Variants in MTTP observed in about 807,000 individuals in gnomAD.
The protein encoded by MTTP is microsomal triglyceride transfer protein large subunit.
Under a neutral mutation model 90.6 loss-of-function variants are expected in MTTP, and 49 were observed. The observed-to-expected ratio is 0.54, with a 90% CI of 0.43 to 0.69. The LOEUF (loss-of-function observed/expected upper bound fraction) is 0.69. Ranked by LOEUF, MTTP falls within the 30% of genes least tolerant of loss-of-function variation. The pLI, the probability that MTTP is intolerant of heterozygous loss-of-function variation, is 0.00. For missense variants in MTTP, 945 were observed against 1,067.5 expected (o/e 0.89, Z 1.60); for synonymous variants, 347 against 384.2 (o/e 0.90, Z 1.13).
chr4:99,589,502 G>A (rs1725360151), intron 3 of MTTP, 141 bp from the exon 4 acceptor site: 2 of 664,142 alleles, frequency 3.0e-6, no homozygotes, highest in South Asian at 3.2e-5. Context: ...TTCACAAAAA[G>A]GAAATTCCAG....
intron 12 of MTTP, among the ~76,000 whole-genome samples, chr4:99,610,699 CTGGAAATGTACTGTTA>C (rs1725928527): frequency 6.6e-6 from 1 of 152,106 alleles, no homozygotes; most frequent in Non-Finnish European, 1.5e-5. Flanking sequence ...AGAAGAAATA[CTGGAAATGTACTGTTA>C]TATGTCATTA....
intron 3 of MTTP, among the ~76,000 whole-genome samples, chr4:99,584,345 A>C (rs1560614985): frequency 6.6e-6 from 1 of 152,150 alleles, no homozygotes; most frequent in South Asian, 2.1e-4. Context: ...TTATAATTCC[A>C]TACGTCTCTG....
At position 99,591,323 on chromosome 4, in the gene MTTP, C is replaced by G. The variant is rs137997894; in HGVS notation, c.590C>G (p.Ala197Gly). The G allele has an allele frequency of 1.2e-6, 2 of 1,613,370 alleles. No homozygotes were observed. Among genetic ancestry groups the G allele is most frequent in the Non-Finnish European group, 1.7e-6 (2 of 1,179,514 alleles). The change falls in exon 5 of 18, where the codon GCG becomes GGG. Residue 197 changes from alanine (A) to glycine (G), a missense_variant. Transcript: ENST00000265517. Reference protein sequence around the residue: ...KIKALDSCKIARSGFTTPNQV... With the variant: ...KIKALDSCKIGRSGFTTPNQV... ...AAGGCCTTGGATTCATGCAAAATAG[C>G]GAGGTCTGGATTTACGACCCCAAAT...
intron 16 of MTTP, chr4:99,620,782 A>G (rs1235780355): frequency 9.4e-6 from 4 of 424,078 alleles, no homozygotes; most frequent in Non-Finnish European, 1.7e-5. Context: ...TTATGCCCAT[A>G]CAAAACAATG....
chr4:99,583,688 G>T, intron 3 of MTTP, 171 bp downstream of exon 3: 1 of 802,284 alleles, frequency 1.2e-6, no homozygotes, highest in Non-Finnish European at 2.1e-6. Flanking sequence ...CTGAATCAAT[G>T]CCCTGAGTTC....
rs1724922923 is a variant in MTTP at position 99,575,032 on chromosome 4, G to A, written c.61+62G>A. 18 of 1,529,356 alleles carry A rather than the reference G, an allele frequency of 1.2e-5. No individual in the cohort carries two copies. In the South Asian group the frequency reaches 1.6e-4, roughly 13 times the overall value. The allele number at this position is 1,529,356 out of a possible 1,614,324, so 94.7% of individuals were successfully genotyped here. ...CATCTTTGGAGTTGGAGGCAGATACGTGCGTGTGTGTGTGTTTGTGTGAGT... is the reference window on the plus strand; with the variant it reads ...CATCTTTGGAGTTGGAGGCAGATACATGCGTGTGTGTGTGTTTGTGTGAGT... On this transcript the variant is annotated intron_variant, in intron 1 of 17. Coordinates refer to ENST00000265517, the MANE Select transcript of MTTP (RefSeq NM_001386140.1).
In MTTP at chr4:99,611,062, A is replaced by G. The variant is rs779326460; in HGVS notation, c.1770-81A>G. On this transcript the variant is annotated intron_variant, in intron 12 of 17. Transcript: ENST00000265517. The stretch of plus-strand genomic sequence containing the variant: ...ATTTGGCTTCCTCTTTTTTCCACTG[A>G]GGATTTTTTTTTTCCAAATTTGACT... The G allele has an allele frequency of 3.4e-6, 5 of 1,481,996 alleles. No individual in the cohort carries two copies. The South Asian group carries it at 3.4e-5, about 10-fold the overall frequency. 91.8% of individuals were successfully genotyped at this position (1,481,996 alleles called of 1,614,324 possible).
rs112125838 is a variant in MTTP at position 99,606,671 on chromosome 4, C to T, written c.1345-77C>T. The T allele has an allele frequency of 0.024, 35,574 of 1,471,108 alleles. 889 individuals are homozygous for T. Among genetic ancestry groups the T allele is most frequent in the Middle Eastern group, 0.11 (478 of 4,158 alleles). The allele number at this position is 1,471,108 out of a possible 1,614,324, so 91.1% of individuals were successfully genotyped here. A position where few individuals can be genotyped will look rare whatever the true frequency, so the allele number is the denominator to read the frequency against. Reference sequence around the variant, plus strand: ...AAAACTGTAGGTTGCTTTCTTGGACCCAAGAATAAAGCCAGTCTCACCCAA... The same window carrying T: ...AAAACTGTAGGTTGCTTTCTTGGACTCAAGAATAAAGCCAGTCTCACCCAA... On this transcript the variant is annotated intron_variant, in intron 10 of 17. Coordinates refer to ENST00000265517, the MANE Select transcript of MTTP (RefSeq NM_001386140.1).
chr4:99,615,523 T>C (rs1726077460), intron 15 of MTTP, among the ~76,000 whole-genome samples: 1 of 152,114 alleles, frequency 6.6e-6, no homozygotes, highest in Non-Finnish European at 1.5e-5. Flanking sequence ...AGATCTGAGG[T>C]TATTATACAA....
upstream of MTTP, among the ~76,000 whole-genome samples, chr4:99,569,826 C>T (rs1468263806): frequency 1.3e-5 from 2 of 151,894 alleles, no homozygotes; most frequent in East Asian, 1.9e-4. Flanking sequence ...GGTAAATATA[C>T]TATATTTACA....
rs1726305530 is a variant in MTTP, at chr4:99,623,839, T to C, written c.*991T>C. On this transcript the variant is annotated 3_prime_UTR_variant, in exon 18 of 18. Coordinates refer to ENST00000265517, the MANE Select transcript of MTTP (RefSeq NM_001386140.1). ...AATTAAAAGATCCATGTTGAACATTTGCAAATATTTATTAATAAACAGATG... is the reference window on the plus strand; with the variant it reads ...AATTAAAAGATCCATGTTGAACATTCGCAAATATTTATTAATAAACAGATG... The C allele has an allele frequency of 6.6e-6, 1 of 152,204 alleles. No individual in the cohort carries two copies. The highest frequency in any genetic ancestry group is 6.5e-5 in the Admixed American group (1 of 15,284). The allele number at this position is 152,204 out of a possible 1,614,324, so 9.4% of individuals were successfully genotyped here.
intron 9 of MTTP, 59 bp downstream of exon 9, chr4:99,600,792 C>T (rs1345049331): frequency 6.5e-7 from 1 of 1,537,768 alleles, no homozygotes; most frequent in African/African-American, 1.4e-5. Context: ...AGAATATTAA[C>T]AGTAATTAAA....
chr4:99,580,106 G>A (rs948214938), intron 1 of MTTP, among the ~76,000 whole-genome samples: 3 of 150,478 alleles, frequency 2.0e-5, no homozygotes, highest in African/African-American at 7.3e-5. Flanking sequence ...TTGTTAACTG[G>A]TGTAGTCCCA....
chr4:99,592,537 T>TTTTTA (rs1725455807), intron 6 of MTTP, among the ~76,000 whole-genome samples: 1 of 151,516 alleles, frequency 6.6e-6, no homozygotes, highest in Non-Finnish European at 1.5e-5. Flanking sequence ...TTTATTTTTT[T>TTTTTA]CTTTTAAAAA....
chr4:99,591,662 C>G lies in MTTP; in HGVS notation c.630C>G (p.Val210=). ...GFTTPNQVLG[V]SSKATSVTTY... ...ATTTATTTATTTAGGTCTTGGGTGT[C>G]AGTTCAAAAGCTACATCTGTCACCA... Residue 210 remains valine (V), a synonymous_variant, in exon 6 of 18, where the codon GTC becomes GTG. Coordinates refer to ENST00000265517, the MANE Select transcript of MTTP (RefSeq NM_001386140.1). 2 of 1,612,440 alleles carry G rather than the reference C, an allele frequency of 1.2e-6. No homozygotes were observed. Among genetic ancestry groups the G allele is most frequent in the Non-Finnish European group, 1.7e-6 (2 of 1,178,816 alleles).
At chr4:99,568,143 A>G (rs1340710906) in intron 1 of MTTP, among the ~76,000 whole-genome samples, 1 of 152,122 alleles carries the variant, frequency 6.6e-6, no homozygotes, top group African/African-American at 2.4e-5. Context: ...GCACACACAT[A>G]TATTCACCAT....
chr4:99,610,267 T>C (rs1159034788), intron 12 of MTTP, among the ~76,000 whole-genome samples: 1 of 152,204 alleles, frequency 6.6e-6, no homozygotes, highest in East Asian at 1.9e-4. Context: ...CTATTGGCTC[T>C]GGTTTTATCC....
chr4:99,594,604 C>G, intron 6 of MTTP, 129 bp from the exon 7 acceptor site: 1 of 1,013,328 alleles, frequency 9.9e-7, no homozygotes, highest in South Asian at 1.4e-5. Context: ...GGAGATATCA[C>G]AGTTTGAAAG....
chr4:99,564,302 C>A (rs2110200726), intron 1 of MTTP: 1 of 1,454,502 alleles, frequency 6.9e-7, no homozygotes, highest in Non-Finnish European at 9.2e-7. Flanking sequence ...CGAAGAAAGG[C>A]TCCTAATTTT....
Sources: gnomAD v4.1 joint callset for allele counts (sites outside exome capture counted in the v4.1 genomes callset) on GRCh38, gnomAD v4.1.1 for gene constraint, MANE v1.5 for transcripts, NCBI Gene and HGNC (gene_info 2026-07-23, HGNC 2026-07-21) for gene names.